Variants in PRPF6 observed in about 807,000 individuals in gnomAD.
PRPF6 encodes the protein pre-mRNA-processing factor 6.
Under a neutral mutation model 118.3 loss-of-function variants are expected in PRPF6, and 42 were observed. That is an observed-to-expected ratio of 0.35 (90% CI 0.28 to 0.46). The LOEUF (loss-of-function observed/expected upper bound fraction) is 0.46. Among genes scored for constraint, PRPF6 ranks in the 20% least tolerant of loss-of-function variants. PRPF6 has a pLI of 1.00. For missense variants in PRPF6, 662 were observed against 1,255.7 expected, an observed-to-expected ratio of 0.53 and a Z score of 7.15; for synonymous variants, 481 against 485.1, an observed-to-expected ratio of 0.99 and a Z score of 0.11.
chr20:63,986,707 C>T (rs954885830), intron 3 of PRPF6, among the ~76,000 whole-genome samples: 4 of 151,592 alleles, frequency 2.6e-5, no homozygotes, highest in African/African-American at 9.7e-5. Flanking sequence ...CCAGGATGGT[C>T]TTGATCTCCT....
At position 64,029,234 on chromosome 20, in the gene PRPF6, C is replaced by A; in HGVS notation, c.2432-143C>A. 1 of 748,784 alleles carries A rather than the reference C, an allele frequency of 1.3e-6. No homozygotes were observed. The highest frequency in any genetic ancestry group is 1.5e-5 in the South Asian group (1 of 68,348). 46.4% of individuals were successfully genotyped at this position (748,784 alleles called of 1,614,324 possible). A position where few individuals can be genotyped will look rare whatever the true frequency, so the allele number is the denominator to read the frequency against. Reference sequence around the variant, plus strand: ...GCCAGAGTGCTCATCCTTTGTGGTTCTCCTTGCACAAGTTCTGCGAGCCGT... The same window carrying A: ...GCCAGAGTGCTCATCCTTTGTGGTTATCCTTGCACAAGTTCTGCGAGCCGT... On this transcript the variant is annotated intron_variant, in intron 18 of 20. Transcript: ENST00000266079. This position sits in a 1 kb window ranked among gnomAD's most constrained non-coding sequence, Gnocchi z 4.8.
In PRPF6 at chr20:63,981,150, C is replaced by A; in HGVS notation, c.-96C>A. 2.3e-6 allele frequency: 3 copies of A among 1,311,348 alleles called. No individual in the cohort carries two copies. The highest frequency in any genetic ancestry group is 3.2e-6 in the Non-Finnish European group (3 of 929,178). 81.2% of individuals were successfully genotyped at this position (1,311,348 alleles called of 1,614,324 possible). A position where few individuals can be genotyped will look rare whatever the true frequency, so the allele number is the denominator to read the frequency against. On this transcript the variant is annotated 5_prime_UTR_variant, in exon 1 of 21. Transcript: ENST00000266079. ...ACGCGACGACGGCGACACTTTGCTA[C>A]GGAGTGCATCGGACGTCGAAGCCTA...
chr20:63,982,704 G>T (rs1040618289), intron 1 of PRPF6, among the ~76,000 whole-genome samples: 4 of 152,192 alleles, frequency 2.6e-5, no homozygotes, highest in African/African-American at 9.7e-5. Flanking sequence ...ATCTGGGACA[G>T]CTGTTATCAG....
At chr20:63,996,875 G>A (rs963220081) in intron 6 of PRPF6, among the ~76,000 whole-genome samples, 3 of 152,144 alleles carry the variant, frequency 2.0e-5, no homozygotes, top group African/African-American at 7.2e-5. Flanking sequence ...GCTGCCATGA[G>A]CTATGATCGC....
At chr20:64,018,332 A>G (rs2059248381) in intron 12 of PRPF6, among the ~76,000 whole-genome samples, 1 of 151,952 alleles carries the variant, frequency 6.6e-6, no homozygotes, top group South Asian at 2.1e-4. Flanking sequence ...CTGAGTGTGA[A>G]TTTTTTGAGG....
At chr20:64,016,667 G>A (rs902926557) in intron 11 of PRPF6, 56 bp from the exon 12 acceptor site, 48 of 1,608,126 alleles carry the variant, frequency 3.0e-5, no homozygotes, top group Non-Finnish European at 3.7e-5. Context: ...CTCCCCGTTG[G>A]GAATCTGCAG....
At chr20:64,024,448 C>A (rs1045580405) in intron 13 of PRPF6, 107 bp from the exon 14 acceptor site, 24 of 1,448,064 alleles carry the variant, frequency 1.7e-5, no homozygotes, top group Non-Finnish European at 2.2e-5. Flanking sequence ...TAGCATCGAA[C>A]TTTGGAGCAG....
chr20:64,009,004 G>A (rs2059202512), intron 9 of PRPF6, among the ~76,000 whole-genome samples: 1 of 152,040 alleles, frequency 6.6e-6, no homozygotes, highest in Admixed American at 6.6e-5. Context: ...GGTATTTTAG[G>A]TCGGGCGTGG....
At chr20:63,998,949 C>T in intron 6 of PRPF6, 96 bp from the exon 7 acceptor site, 1 of 783,772 alleles carries the variant, frequency 1.3e-6, no homozygotes, top group Non-Finnish European at 2.2e-6. Context: ...TCTGACTGCT[C>T]TCTCAGGGTT....
Position 64,010,336 on chromosome 20 carries a change from A to C in PRPF6, c.1305+18A>C. The C allele has an allele frequency of 1.3e-6, 2 of 1,598,702 alleles. No individual in the cohort carries two copies. The highest frequency in any genetic ancestry group is 1.7e-6 in the Non-Finnish European group (2 of 1,168,842). ...GCGTGGAGGTGAGTCTGGCGGGCTC[A>C]GGGCCACCAGAGCCCAAAGTGGCCA... is the stretch of plus-strand genomic sequence containing the variant. On this transcript the variant is annotated intron_variant, in intron 10 of 20. Coordinates refer to ENST00000266079, the MANE Select transcript of PRPF6 (RefSeq NM_012469.4).
chr20:64,001,297 C>G, intron 9 of PRPF6, 58 bp downstream of exon 9: 2 of 1,579,880 alleles, frequency 1.3e-6, no homozygotes, highest in Non-Finnish European at 1.7e-6. Context: ...CTCTCAGCAG[C>G]TTTCCTGCTC....
chr20:63,988,170 AT>A (rs1407693577), intron 3 of PRPF6, among the ~76,000 whole-genome samples: 9 of 152,076 alleles, frequency 5.9e-5, no homozygotes, highest in Admixed American at 5.9e-4. Context: ...AAATACAAAA[AT>A]TAGCTGGGTG....
intron 19 of PRPF6, among the ~76,000 whole-genome samples, chr20:64,030,070 G>A (rs528769302): frequency 1.3e-5 from 2 of 152,360 alleles, no homozygotes; most frequent in East Asian, 3.9e-4. Context: ...ATGGGGCAGA[G>A]CATGCAGACT....
chr20:64,027,852 T>TG lies in PRPF6; in HGVS notation c.2339+122dup. 4 of 1,463,246 alleles carry TG rather than the reference T, an allele frequency of 2.7e-6. No individual in the cohort carries two copies. Among genetic ancestry groups the TG allele is most frequent in the Non-Finnish European group, 3.8e-6 (4 of 1,048,304 alleles). 90.6% of individuals were successfully genotyped at this position (1,463,246 alleles called of 1,614,324 possible). On this transcript the variant is annotated intron_variant, in intron 17 of 20. Coordinates refer to ENST00000266079, the MANE Select transcript of PRPF6 (RefSeq NM_012469.4). The surrounding 1 kb of genome is among the most constrained non-coding windows in gnomAD (Gnocchi z 6.5). ...TGCAGTGCTTCCAGGCTCAGGGGCT[T>TG]GGGGGGCGGTAGGTGCTGGCCATGA...
rs2059295649 is a variant in PRPF6, at chr20:64,027,387, T to G, written c.2206-216T>G. Reference sequence around the variant, plus strand: ...TCAGAAGTGCAGAGTGTGGCACACCTGCAGTAAAGGCTGGTACGTACAGAC... The same window carrying G: ...TCAGAAGTGCAGAGTGTGGCACACCGGCAGTAAAGGCTGGTACGTACAGAC... On this transcript the variant is annotated intron_variant, in intron 16 of 20. Coordinates refer to ENST00000266079, the MANE Select transcript of PRPF6 (RefSeq NM_012469.4). The surrounding 1 kb of genome is among the most constrained non-coding windows in gnomAD (Gnocchi z 6.5). 6.6e-6 allele frequency among the ~76,000 whole-genome samples: 1 copy of G among 152,168 alleles called. No homozygotes were observed. Among genetic ancestry groups the G allele is most frequent in the Non-Finnish European group, 1.5e-5 (1 of 68,020 alleles).
intron 2 of PRPF6, among the ~76,000 whole-genome samples, chr20:63,984,344 C>T (rs1259930397): frequency 2.6e-5 from 4 of 152,056 alleles, no homozygotes; most frequent in African/African-American, 9.6e-5. Flanking sequence ...TGCTGTGAAC[C>T]CGGGAGGCGG....
chr20:63,991,452 T>C (rs1412181516), intron 3 of PRPF6, among the ~76,000 whole-genome samples: 1 of 151,842 alleles, frequency 6.6e-6, no homozygotes, highest in African/African-American at 2.4e-5. Flanking sequence ...AAACAGCAGG[T>C]GACACGGACC....
rs112161622 is a variant in PRPF6 at position 63,983,216 on chromosome 20, G to A, written c.240+1G>A. 7 of 1,614,208 alleles carry A rather than the reference G, an allele frequency of 4.3e-6. No homozygotes were observed. The Admixed American group carries it at 8.3e-5, about 19-fold the overall frequency. On this transcript the variant is annotated splice_donor_variant, in intron 2 of 20. Transcript: ENST00000266079. LOFTEE classifies it high-confidence loss of function. Reference sequence around the variant, plus strand: ...TCTAAATGACACCAATTACGATGAGGTGAGATGTGTCCGGCTTTCGTGGCT... The same window carrying A: ...TCTAAATGACACCAATTACGATGAGATGAGATGTGTCCGGCTTTCGTGGCT...
Position 63,985,013 on chromosome 20 carries a change from GAAAAGAAAGACGGT to G in PRPF6, c.356_359+10del. 6.2e-7 allele frequency: 1 copy of G among 1,612,330 alleles called. No individual in the cohort carries two copies. The highest frequency in any genetic ancestry group is 8.5e-7 in the Non-Finnish European group (1 of 1,178,818). On this transcript the variant is annotated splice_donor_variant and coding_sequence_variant, in exon 3 of 21. Transcript: ENST00000266079. LOFTEE classifies it high-confidence loss of function. ...CTGGATAAAAGGATGGATGAAAGAA[GAAAAGAAAGACGGT>G]AAAAGAAATTGTTGCCTTTCACAAT... is the stretch of plus-strand genomic sequence containing the variant.
Sources: allele counts gnomAD v4.1 joint callset (sites outside exome capture counted in the v4.1 genomes callset), GRCh38; gene constraint gnomAD v4.1.1; non-coding constraint Gnocchi (gnomAD v3.1); transcripts MANE v1.5; gene names NCBI Gene and HGNC (gene_info 2026-07-23, HGNC 2026-07-21).